Variants in RAB3IP observed in about 807,000 individuals in gnomAD.
RAB3IP encodes the protein RAB3A interacting protein, also known as rab-3A-interacting protein.
RAB3IP carries 36 observed loss-of-function variants against 59.1 expected under a neutral mutation model. That is an observed-to-expected ratio of 0.61 (90% CI 0.47 to 0.80). The LOEUF (loss-of-function observed/expected upper bound fraction) is 0.80. RAB3IP is among the 30% of genes least tolerant of loss of function. The probability of loss-of-function intolerance (pLI) is 0.00; values close to 1 mark genes in which losing one functional copy is unlikely to be tolerated. For missense variants in RAB3IP, 511 were observed against 536.0 expected, an observed-to-expected ratio of 0.95 and a Z score of 0.46; for synonymous variants, 207 against 191.2, an observed-to-expected ratio of 1.08 and a Z score of -0.68.
intron 1 of RAB3IP, among the ~76,000 whole-genome samples, chr12:69,749,884 T>TC (rs1406068513): frequency 6.6e-6 from 1 of 152,184 alleles, no homozygotes; most frequent in Non-Finnish European, 1.5e-5. Context: ...TTTTCTTCTT[T>TC]CCCCAGATCC....
intron 3 of RAB3IP, among the ~76,000 whole-genome samples, chr12:69,769,338 C>T (rs1301709183): frequency 6.6e-6 from 1 of 152,184 alleles, no homozygotes; most frequent in African/African-American, 2.4e-5. Context: ...CATCTCCAAG[C>T]CTCTCTCCAA....
At position 69,815,410 on chromosome 12, in the gene RAB3IP, A is replaced by G; in HGVS notation, c.1347A>G (p.Ser449=). 6.2e-7 allele frequency: 1 copy of G among 1,613,146 alleles called. No homozygotes were observed. Among genetic ancestry groups the G allele is most frequent in the Non-Finnish European group, 8.5e-7 (1 of 1,179,188 alleles). The change falls in exon 11 of 11, where the codon TCA becomes TCG. Residue 449 remains serine (S), a synonymous_variant. Transcript: ENST00000247833. Reference sequence around the variant, plus strand: ...TTATGCAGTTGAGAAAAGAGATGTCATTGGCAAAGCTGGGTTATTTCAAAG... The same window carrying G: ...TTATGCAGTTGAGAAAAGAGATGTCGTTGGCAAAGCTGGGTTATTTCAAAG... ...WEVMQLRKEM[S]LAKLGYFKEE...
chr12:69,797,477 C>CTTTTTTTT, intron 6 of RAB3IP, among the ~76,000 whole-genome samples: 98 of 54,850 alleles, frequency 1.8e-3, no homozygotes, highest in East Asian at 3.2e-3. Context: ...TCTTTTCTTT[C>CTTTTTTTT]TTTTTTTTTT....
chr12:69,739,874 G>C (rs541961941), intron 1 of RAB3IP: 64 of 1,613,858 alleles, frequency 4.0e-5, no homozygotes, highest in Non-Finnish European at 5.3e-5. Context: ...GAAAGGGTAA[G>C]GTCTTGAAAG....
chr12:69,751,655 C>A (rs751308929), intron 1 of RAB3IP, among the ~76,000 whole-genome samples: 2 of 152,040 alleles, frequency 1.3e-5, no homozygotes, highest in East Asian at 1.9e-4. Flanking sequence ...ATCACAGTAT[C>A]AATATTACTA....
At chr12:69,806,570 G>GTTTTTTTTT (rs35262716) in intron 8 of RAB3IP, among the ~76,000 whole-genome samples, 72 of 68,460 alleles carry the variant, frequency 1.1e-3, no homozygotes, top group East Asian at 1.6e-3. Flanking sequence ...TGCTTCTCTA[G>GTTTTTTTTT]TTTTTTTTTT....
chr12:69,742,756 C>CATAA (rs2136094227), intron 1 of RAB3IP, among the ~76,000 whole-genome samples: 1 of 152,268 alleles, frequency 6.6e-6, no homozygotes, highest in East Asian at 1.9e-4. Flanking sequence ...CAACTGGGAG[C>CATAA]ATTAACTTGC....
rs1881134399 is a variant in RAB3IP at position 69,816,305 on chromosome 12, TG to T, written c.*861del. On this transcript the variant is annotated 3_prime_UTR_variant, in exon 11 of 11. Coordinates refer to ENST00000247833, the MANE Select transcript of RAB3IP (RefSeq NM_022456.5). ...GGAGAAATTATAACAAAGAGGTTTG[TG>T]GTAGACATGTAATAAGTATAGAAAA... 1.3e-5 allele frequency: 2 copies of T among 152,218 alleles called. No homozygotes were observed. The highest frequency in any genetic ancestry group is 2.9e-5 in the Non-Finnish European group (2 of 68,034). The allele number at this position is 152,218 out of a possible 1,614,324, so 9.4% of individuals were successfully genotyped here. A position where few individuals can be genotyped will look rare whatever the true frequency, so the allele number is the denominator to read the frequency against.
intron 3 of RAB3IP, among the ~76,000 whole-genome samples, chr12:69,760,394 GGGGAGA>G (rs1272812271): frequency 7.0e-6 from 1 of 142,144 alleles, no homozygotes; most frequent in Non-Finnish European, 1.6e-5. Flanking sequence ...GGGAGACCGT[GGGGAGA>G]GGGAGAGGGA....
At chr12:69,794,324 C>T in intron 4 of RAB3IP, 113 bp from the exon 5 acceptor site, 1 of 781,282 alleles carries the variant, frequency 1.3e-6, no homozygotes, top group African/African-American at 1.7e-5. Flanking sequence ...GAATACTTAA[C>T]TTCAGGCTAA....
intron 3 of RAB3IP, among the ~76,000 whole-genome samples, chr12:69,782,521 A>T (rs1222957585): frequency 6.7e-6 from 1 of 149,432 alleles, no homozygotes. Flanking sequence ...ATCATTTCAC[A>T]TGCTTGTTTG....
intron 3 of RAB3IP, among the ~76,000 whole-genome samples, chr12:69,765,505 A>G (rs546682528): frequency 1.3e-5 from 2 of 152,268 alleles, no homozygotes; most frequent in African/African-American, 4.8e-5. Context: ...ATCATAATGA[A>G]TTAACTTTTT....
rs1870068820 is a variant in RAB3IP, at chr12:69,755,565, A to G, written c.157A>G (p.Ile53Val). 1 of 1,613,960 alleles carries G rather than the reference A, an allele frequency of 6.2e-7. No homozygotes were observed. The highest frequency in any genetic ancestry group is 8.5e-7 in the Non-Finnish European group (1 of 1,179,974). The change falls in exon 2 of 11, where the codon ATC (isoleucine) becomes GTC (valine). Residue 53 changes from isoleucine to valine, a missense_variant. Ile to Val is a conservative substitution (Grantham distance 29, BLOSUM62 3). Coordinates refer to ENST00000247833, the MANE Select transcript of RAB3IP (RefSeq NM_022456.5). The stretch of plus-strand genomic sequence containing the variant: ...CCCTTCAGCTTTATCCTCTGTACCT[A>G]TCCAGGCAAATGCATTAGATGTTTC... The part of the protein sequence containing the change: ...PHPSALSSVP[I>V]QANALDVSEL...
Position 69,815,735 on chromosome 12 carries a change from A to C in RAB3IP, c.*289A>C, listed in dbSNP as rs1016895378. 2 of 209,894 alleles carry C rather than the reference A, an allele frequency of 9.5e-6. No individual in the cohort carries two copies. The highest frequency in any genetic ancestry group is 1.2e-4 in the Admixed American group (2 of 17,208). The allele number at this position is 209,894 out of a possible 1,614,324, so 13.0% of individuals were successfully genotyped here. A position where few individuals can be genotyped will look rare whatever the true frequency, so the allele number is the denominator to read the frequency against. On this transcript the variant is annotated 3_prime_UTR_variant, in exon 11 of 11. Transcript: ENST00000247833. ...TAAATGTTAGATTGAATGTGTGTAC[A>C]TTTTCTCTTCTAGCTCTGACATGGC...
rs532801084 is a variant in RAB3IP at position 69,795,461 on chromosome 12, A to G, written c.888+117A>G. 121 of 767,054 alleles carry G rather than the reference A, an allele frequency of 1.6e-4. 1 individual carries two copies. The South Asian group carries it at 1.9e-3, about 12-fold the overall frequency. 47.5% of individuals were successfully genotyped at this position (767,054 alleles called of 1,614,324 possible). A position where few individuals can be genotyped will look rare whatever the true frequency, so the allele number is the denominator to read the frequency against. ...TTTAGTACAAAATAATGCAGTATTA[A>G]GATGGGGGAGGCTTTATCTAGAGCT... is the stretch of plus-strand genomic sequence containing the variant. On this transcript the variant is annotated intron_variant, in intron 6 of 10. Transcript: ENST00000247833.
At chr12:69,803,938 G>C (rs945507077) in intron 8 of RAB3IP, among the ~76,000 whole-genome samples, 4 of 152,248 alleles carry the variant, frequency 2.6e-5, no homozygotes, top group Admixed American at 6.5e-5. Context: ...TTGCTATTGC[G>C]AATAGTGCCG....
intron 1 of RAB3IP, among the ~76,000 whole-genome samples, chr12:69,749,714 T>C (rs1334960882): frequency 1.3e-5 from 2 of 152,240 alleles, no homozygotes; most frequent in Non-Finnish European, 1.5e-5. Context: ...TTTGGATCTT[T>C]CCTTTGGCTT....
At chr12:69,809,070 C>T (rs1479159938) in intron 8 of RAB3IP, among the ~76,000 whole-genome samples, 1 of 150,990 alleles carries the variant, frequency 6.6e-6, no homozygotes, top group Non-Finnish European at 1.5e-5. Flanking sequence ...GTGCTTCCTT[C>T]AGGAGCTCTT....
At chr12:69,792,666 A>G (rs1876822882) in intron 4 of RAB3IP, among the ~76,000 whole-genome samples, 1 of 152,170 alleles carries the variant, frequency 6.6e-6, no homozygotes, top group African/African-American at 2.4e-5. Context: ...CTTTTTAGCA[A>G]CTGATCCTGC....
Sources: gnomAD v4.1 joint callset for allele counts (sites outside exome capture counted in the v4.1 genomes callset) on GRCh38, gnomAD v4.1.1 for gene constraint, MANE v1.5 for transcripts, NCBI Gene and HGNC (gene_info 2026-07-23, HGNC 2026-07-21) for gene names.